Variants in PLCB4 observed in about 807,000 individuals in gnomAD.
PLCB4 encodes phospholipase C beta 4.
Under a neutral mutation model 178.8 loss-of-function variants are expected in PLCB4, and 77 were observed. The ratio of observed to expected loss-of-function variants is 0.43; its 90% confidence interval spans 0.36 to 0.52. The LOEUF is 0.52. PLCB4 is among the 20% of genes least tolerant of loss of function. The pLI, the probability that PLCB4 is intolerant of heterozygous loss-of-function variation, is 0.00. For missense variants in PLCB4, 1,024 were observed against 1,453.4 expected (o/e 0.70, Z 4.80); for synonymous variants, 496 against 490.8 (o/e 1.01, Z -0.14).
intron 9 of PLCB4, among the ~76,000 whole-genome samples, chr20:9,369,675 T>C (rs2046259953): frequency 6.6e-6 from 1 of 152,232 alleles, no homozygotes; most frequent in African/African-American, 2.4e-5. Flanking sequence ...AAGCTGTGAA[T>C]GAACACATAA....
At chr20:9,417,595 T>G (rs536919458) in intron 25 of PLCB4, among the ~76,000 whole-genome samples, 6 of 152,320 alleles carry the variant, frequency 3.9e-5, no homozygotes, top group African/African-American at 1.2e-4. Context: ...TGCCATACAT[T>G]CATTCATCGA....
chr20:9,344,002 T>C (rs1030711558), intron 7 of PLCB4, among the ~76,000 whole-genome samples: 1 of 152,234 alleles, frequency 6.6e-6, no homozygotes, highest in Admixed American at 6.5e-5. Flanking sequence ...CTAACTGGTC[T>C]CTTTTCCTTA....
intron 3 of PLCB4, among the ~76,000 whole-genome samples, chr20:9,302,630 C>A (rs2094719375): frequency 2.6e-5 from 4 of 152,120 alleles, no homozygotes; most frequent in Admixed American, 2.6e-4. Context: ...TGAACTTTCA[C>A]CTCCACTGCA....
At chr20:9,212,573 C>T (rs2093684514) in intron 2 of PLCB4, among the ~76,000 whole-genome samples, 2 of 152,320 alleles carry the variant, frequency 1.3e-5, no homozygotes, top group South Asian at 2.1e-4. Context: ...ATGTAAAACA[C>T]TGTGGCATGA....
chr20:9,444,110 G>C (rs1193856737), intron 31 of PLCB4, 68 bp from the exon 32 acceptor site: 1 of 1,429,914 alleles, frequency 7.0e-7, no homozygotes, highest in Non-Finnish European at 9.8e-7. Flanking sequence ...TTCTCACCAA[G>C]TGTAATCATT....
chr20:9,294,678 T>G, intron 3 of PLCB4, among the ~76,000 whole-genome samples: 1 of 152,154 alleles, frequency 6.6e-6, no homozygotes, highest in African/African-American at 2.4e-5. Context: ...AGACTTGATC[T>G]AAGGCTGTTT....
At chr20:9,200,437 G>A (rs1328065942) in intron 2 of PLCB4, among the ~76,000 whole-genome samples, 1 of 152,056 alleles carries the variant, frequency 6.6e-6, no homozygotes, top group Non-Finnish European at 1.5e-5. Flanking sequence ...AGCTGGTTTC[G>A]GTGCTTTGTT....
chr20:9,338,884 C>T lies in PLCB4; in HGVS notation c.226-10C>T. On this transcript the variant is annotated splice_polypyrimidine_tract_variant and intron_variant, in intron 6 of 39. Coordinates refer to ENST00000378473, the MANE Select transcript of PLCB4 (RefSeq NM_001377142.1). The stretch of plus-strand genomic sequence containing the variant: ...CTTATTTTTTTTTCTATCTGTGTAC[C>T]TCTATACAGGATCCCAAAATCTTGG... 4 of 1,611,056 alleles carry T rather than the reference C, an allele frequency of 2.5e-6. No individual in the cohort carries two copies. The highest frequency in any genetic ancestry group is 2.5e-6 in the Non-Finnish European group (3 of 1,177,800).
At chr20:9,144,772 T>G (rs13041964) in intron 2 of PLCB4, among the ~76,000 whole-genome samples, 13,582 of 35,518 alleles carry the variant, frequency 0.38, 1,124 homozygotes, top group Middle Eastern at 0.53. Context: ...AGGAGGGGAA[T>G]GAGGGGGAGG....
intron 1 of PLCB4, among the ~76,000 whole-genome samples, chr20:9,090,261 T>A (rs897627351): frequency 8.9e-6 from 1 of 112,736 alleles, no homozygotes; most frequent in Non-Finnish European, 2.0e-5. Context: ...GTGTCTGTCA[T>A]GGGAAAGTAT....
chr20:9,292,290 T>G (rs1830291617), intron 3 of PLCB4, among the ~76,000 whole-genome samples: 1 of 152,194 alleles, frequency 6.6e-6, no homozygotes, highest in African/African-American at 2.4e-5. Flanking sequence ...CCTCTTGACA[T>G]ATATGATTCA....
chr20:9,404,852 T>C (rs928344125), intron 20 of PLCB4, among the ~76,000 whole-genome samples: 1 of 152,170 alleles, frequency 6.6e-6, no homozygotes, highest in Non-Finnish European at 1.5e-5. Context: ...TCTCTTGGCT[T>C]GGCCCTCATG....
intron 2 of PLCB4, among the ~76,000 whole-genome samples, chr20:9,122,439 A>C (rs2091988937): frequency 6.6e-6 from 1 of 152,102 alleles, no homozygotes; most frequent in South Asian, 2.1e-4. Context: ...AAACAGGAAG[A>C]ATTATAAGTT....
At chr20:9,101,183 T>C (rs1039642649) in intron 2 of PLCB4, among the ~76,000 whole-genome samples, 4 of 152,148 alleles carry the variant, frequency 2.6e-5, no homozygotes, top group African/African-American at 9.7e-5. Flanking sequence ...ACAGCCTCCA[T>C]TTGTATGTAG....
At chr20:9,204,507 G>T (rs1350764638) in intron 2 of PLCB4, among the ~76,000 whole-genome samples, 2 of 152,070 alleles carry the variant, frequency 1.3e-5, no homozygotes, top group Admixed American at 1.3e-4. Context: ...TTACAGGCGT[G>T]CAGCACCATG....
chr20:9,116,309 C>T (rs1159935475), intron 2 of PLCB4, among the ~76,000 whole-genome samples: 1 of 152,052 alleles, frequency 6.6e-6, no homozygotes, highest in Non-Finnish European at 1.5e-5. Context: ...TGTTTTTATA[C>T]TCTTGTCTCA....
At chr20:9,211,799 C>T (rs2093675835) in intron 2 of PLCB4, among the ~76,000 whole-genome samples, 1 of 152,194 alleles carries the variant, frequency 6.6e-6, no homozygotes, top group East Asian at 1.9e-4. Context: ...TGCTAATGCC[C>T]ATGCATTCTA....
intron 7 of PLCB4, among the ~76,000 whole-genome samples, chr20:9,349,379 T>G (rs75517413): frequency 0.029 from 4,455 of 152,336 alleles, 234 homozygotes; most frequent in African/African-American, 0.1. Context: ...GCAGTTGGAC[T>G]CATGCTGTTT....
chr20:9,293,319 T>A (rs900425426), intron 3 of PLCB4, among the ~76,000 whole-genome samples: 2 of 113,166 alleles, frequency 1.8e-5, no homozygotes, highest in Non-Finnish European at 3.4e-5. Flanking sequence ...CCAGCCTGGG[T>A]GACAGAGACA....
Sources: gnomAD v4.1 joint callset for allele counts (sites outside exome capture counted in the v4.1 genomes callset) on GRCh38, gnomAD v4.1.1 for gene constraint, MANE v1.5 for transcripts, NCBI Gene and HGNC (gene_info 2026-07-23, HGNC 2026-07-21) for gene names.